The following PCGF5 variants were observed in gnomAD, a reference collection of about 807,000 sequenced individuals.
PCGF5 encodes the protein polycomb group ring finger 5.
A neutral mutation model predicts 44.3 loss-of-function variants in PCGF5; 9 were observed. That is an observed-to-expected ratio of 0.20 (90% CI 0.12 to 0.35). The LOEUF is 0.35. Among genes scored for constraint, PCGF5 ranks in the 10% least tolerant of loss-of-function variants. PCGF5 has a pLI of 1.00. For missense variants in PCGF5, 146 were observed against 305.3 expected, an observed-to-expected ratio of 0.48 and a Z score of 3.89; for synonymous variants, 95 against 102.5, an observed-to-expected ratio of 0.93 and a Z score of 0.44.
chr10:91,260,780 A>G (rs1373919398), intron 6 of PCGF5, among the ~76,000 whole-genome samples: 2 of 131,004 alleles, frequency 1.5e-5, no homozygotes, highest in African/African-American at 5.6e-5. Context: ...TGGACACAGG[A>G]AGGGGAACAT....
intron 6 of PCGF5, among the ~76,000 whole-genome samples, chr10:91,259,488 C>A (rs1009472754): frequency 6.6e-6 from 1 of 151,960 alleles, no homozygotes; most frequent in African/African-American, 2.4e-5. Context: ...TCATATGGAA[C>A]CAAAAAAGAG....
chr10:91,165,597 A>G (rs569766625), intron 1 of PCGF5, among the ~76,000 whole-genome samples: 3 of 152,222 alleles, frequency 2.0e-5, no homozygotes, highest in African/African-American at 4.8e-5. Context: ...AAGTGATCCA[A>G]TATGAAGTAT....
upstream of PCGF5, among the ~76,000 whole-genome samples, chr10:91,162,683 G>T (rs889969629): frequency 6.6e-6 from 1 of 150,720 alleles, no homozygotes; most frequent in Non-Finnish European, 1.5e-5. Context: ...GCCGTGGGCC[G>T]TGCCCGGCAG....
At chr10:91,218,639 A>G (rs1484672994), upstream of PCGF5, among the ~76,000 whole-genome samples, 7 of 151,596 alleles carry the variant, frequency 4.6e-5, no homozygotes, top group South Asian at 1.5e-3. Context: ...TTCTTATTTT[A>G]TTATTATTAT....
chr10:91,260,576 A>G lies in PCGF5; in HGVS notation c.475-750A>G, dbSNP rs532287272. 3.2e-3 allele frequency among the ~76,000 whole-genome samples: 482 copies of G among 152,306 alleles called. 2 individuals are homozygous for G. Among genetic ancestry groups the G allele is most frequent in the Non-Finnish European group, 4.3e-3 (291 of 68,026 alleles). On this transcript the variant is annotated intron_variant, in intron 6 of 9. Transcript: ENST00000336126. The stretch of plus-strand genomic sequence containing the variant: ...GAACCAACCCAAATGTCCAACAACG[A>G]TAAACTGGATTAAGAAAATGTGGCA...
intron 8 of PCGF5, 108 bp downstream of exon 8, chr10:91,264,628 G>A (rs1302026649): frequency 1.2e-6 from 1 of 821,060 alleles, no homozygotes; most frequent in Admixed American, 2.7e-5. Context: ...TTGGGAAGGA[G>A]AAGAAACTGG....
intron 1 of PCGF5, among the ~76,000 whole-genome samples, chr10:91,195,469 TGC>T (rs1425912877): frequency 1.2e-5 from 1 of 81,036 alleles, no homozygotes; most frequent in Non-Finnish European, 2.7e-5. Flanking sequence ...TATATATGCA[TGC>T]ATATATATAT....
At chr10:91,215,566 G>A (rs577566419), upstream of PCGF5, among the ~76,000 whole-genome samples, 6 of 152,320 alleles carry the variant, frequency 3.9e-5, no homozygotes, top group East Asian at 1.2e-3. Context: ...TGAGTTTGCT[G>A]TCTTTGAAAA....
At chr10:91,197,050 G>A (rs1183951493) in intron 1 of PCGF5, among the ~76,000 whole-genome samples, 2 of 152,184 alleles carry the variant, frequency 1.3e-5, no homozygotes, top group East Asian at 3.8e-4. Context: ...TATATTAGAC[G>A]TGGACAAGTG....
intron 1 of PCGF5, among the ~76,000 whole-genome samples, chr10:91,197,575 A>G (rs982100121): frequency 7.4e-4 from 113 of 152,226 alleles, no homozygotes; most frequent in African/African-American, 2.7e-3. Flanking sequence ...CCAAAGTTAA[A>G]TGACTGGTAT....
intron 1 of PCGF5, among the ~76,000 whole-genome samples, chr10:91,177,045 C>T (rs994148059): frequency 6.6e-6 from 1 of 152,162 alleles, no homozygotes; most frequent in African/African-American, 2.4e-5. Flanking sequence ...TTTTATCTAC[C>T]TTTGGTCTTT....
chr10:91,199,502 G>A (rs1421825883), intron 1 of PCGF5, among the ~76,000 whole-genome samples: 1 of 152,234 alleles, frequency 6.6e-6, no homozygotes, highest in Admixed American at 6.5e-5. Context: ...CTGAGGACAT[G>A]CCTGCAAGAG....
At chr10:91,246,432 G>T (rs911991809) in intron 3 of PCGF5, among the ~76,000 whole-genome samples, 1 of 152,150 alleles carries the variant, frequency 6.6e-6, no homozygotes. Flanking sequence ...CTAGAGAAGG[G>T]AGACAGTGAG....
chr10:91,232,093 G>A (rs1313381753), intron 2 of PCGF5, among the ~76,000 whole-genome samples: 1 of 152,200 alleles, frequency 6.6e-6, no homozygotes, highest in Non-Finnish European at 1.5e-5. Context: ...CAGTGAGATA[G>A]GAGGACAATG....
At chr10:91,267,796 G>T (rs1846082467) in intron 8 of PCGF5, among the ~76,000 whole-genome samples, 1 of 152,150 alleles carries the variant, frequency 6.6e-6, no homozygotes, top group African/African-American at 2.4e-5. Context: ...CCAGCAAGAT[G>T]CCAGGATGTC....
chr10:91,182,379 G>T (rs1446114226), intron 1 of PCGF5, among the ~76,000 whole-genome samples: 1 of 152,094 alleles, frequency 6.6e-6, no homozygotes, highest in East Asian at 1.9e-4. Flanking sequence ...ATGGTTGTTT[G>T]TATTTCTGTG....
the PCGF5 span, among the ~76,000 whole-genome samples, chr10:91,157,650 C>T: frequency 6.6e-6 from 1 of 152,146 alleles, no homozygotes; most frequent in African/African-American, 2.4e-5. Context: ...TCAAAGATCG[C>T]CCATTTTAAT....
intron 1 of PCGF5, among the ~76,000 whole-genome samples, chr10:91,195,050 C>T (rs987406027): frequency 3.3e-5 from 5 of 151,874 alleles, no homozygotes; most frequent in African/African-American, 1.2e-4. Flanking sequence ...TCAGTTTTCT[C>T]AGTGGAATAG....
At chr10:91,214,999 A>T (rs1737279094) in intron 1 of PCGF5, among the ~76,000 whole-genome samples, 1 of 152,238 alleles carries the variant, frequency 6.6e-6, no homozygotes, top group Non-Finnish European at 1.5e-5. Context: ...GGATTAAAGA[A>T]TCAATGGTTA....
Sources: gnomAD v4.1 joint callset for allele counts (sites outside exome capture counted in the v4.1 genomes callset) on GRCh38, gnomAD v4.1.1 for gene constraint, MANE v1.5 for transcripts, NCBI Gene and HGNC (gene_info 2026-07-23, HGNC 2026-07-21) for gene names.